KIF5A: variants seen among roughly 807,000 people sequenced by gnomAD.
The protein encoded by KIF5A is kinesin heavy chain isoform 5A.
KIF5A carries 35 observed loss-of-function variants against 141.3 expected under a neutral mutation model. The observed-to-expected ratio is 0.25, with a 90% CI of 0.19 to 0.33. KIF5A has a LOEUF of 0.33. Among genes scored for constraint, KIF5A ranks in the 10% least tolerant of loss-of-function variants. KIF5A has a pLI of 1.00. For synonymous variants in KIF5A, 448 were observed against 500.2 expected (o/e 0.90, Z 1.39); for missense variants, 861 against 1,314.3 (o/e 0.66, Z 5.33).
chr12:57,572,749 C>CT lies in KIF5A; in HGVS notation c.1716+25dup. On this transcript the variant is annotated intron_variant, in intron 15 of 28. Coordinates refer to ENST00000455537, the MANE Select transcript of KIF5A (RefSeq NM_004984.4). The surrounding 1 kb of genome is among the most constrained non-coding windows in gnomAD (Gnocchi z 4.2). ...CTGGTGAGTGGTGAGAGACAGCAGC[C>CT]TTGTTCAGGCTGGGCACTAGTGGAA... The CT allele has an allele frequency of 6.2e-7, 1 of 1,614,096 alleles. No homozygotes were observed. Among genetic ancestry groups the CT allele is most frequent in the Non-Finnish European group, 8.5e-7 (1 of 1,179,956 alleles).
chr12:57,575,616 C>T, intron 16 of KIF5A, 24 bp from the exon 17 acceptor site: 2 of 1,594,378 alleles, frequency 1.3e-6, no homozygotes, highest in Non-Finnish European at 1.7e-6. Flanking sequence ...CATCTTCTTC[C>T]TCTCACCAAC....
In KIF5A at chr12:57,575,238, G is replaced by A. The variant is rs1174310373; in HGVS notation, c.1871G>A (p.Arg624Gln). 1.2e-6 allele frequency: 2 copies of A among 1,613,680 alleles called. No homozygotes were observed. Among genetic ancestry groups the A allele is most frequent in the East Asian group, 2.2e-5 (1 of 44,878 alleles). The change falls in exon 16 of 29, where the codon CGG (arginine) becomes CAG (glutamine). Residue 624 changes from arginine (R) to glutamine (Q), a missense_variant. By Grantham distance (43) the Arg-to-Gln change is conservative. Transcript: ENST00000455537. ...CACCGCAAGATGGAAGTGACCGGGC[G>A]GGAGCTCTCATCCTGCCAGCTCCTC... ...ECHRKMEVTG[R>Q]ELSSCQLLIS...
Position 57,578,003 on chromosome 12 carries a change from T to C in KIF5A, c.2362-6T>C, listed in dbSNP as rs1441112122. ...GCTATTCCCAATTTTTCATCATTCT[T>C]TCCAGGCCCGGGAACTCCAGACCCT... On this transcript the variant is annotated splice_polypyrimidine_tract_variant and splice_region_variant and intron_variant, in intron 21 of 28. Transcript: ENST00000455537. The C allele has an allele frequency of 1.1e-5, 17 of 1,613,500 alleles. No individual in the cohort carries two copies. Among genetic ancestry groups the C allele is most frequent in the Non-Finnish European group, 1.4e-5 (16 of 1,179,372 alleles).
rs994188066 is a variant in KIF5A at position 57,550,494 on chromosome 12, C to T, written c.129+94C>T. The T allele has an allele frequency of 8.0e-5, 104 of 1,301,230 alleles. No individual in the cohort carries two copies. Among genetic ancestry groups the T allele is most frequent in the Non-Finnish European group, 1.1e-4 (101 of 919,968 alleles). The allele number at this position is 1,301,230 out of a possible 1,614,324, so 80.6% of individuals were successfully genotyped here. A position where few individuals can be genotyped will look rare whatever the true frequency, so the allele number is the denominator to read the frequency against. ...CTTAGTCTCTGCTGGTCCCTTTGCTCCCCCTCCCCGCCGCTCATCCTTCAT... is the reference window on the plus strand; with the variant it reads ...CTTAGTCTCTGCTGGTCCCTTTGCTTCCCCTCCCCGCCGCTCATCCTTCAT... On this transcript the variant is annotated intron_variant, in intron 1 of 28. Transcript: ENST00000455537. This position sits in a 1 kb window ranked among gnomAD's most constrained non-coding sequence, Gnocchi z 4.6.
chr12:57,569,717 G>A (rs1260233612), intron 11 of KIF5A, 34 bp downstream of exon 11: 4 of 1,609,938 alleles, frequency 2.5e-6, no homozygotes, highest in African/African-American at 2.7e-5. Flanking sequence ...GAGGGGCAGT[G>A]GGAAGAGGAG....
intron 5 of KIF5A, 112 bp downstream of exon 5, chr12:57,564,620 C>A: frequency 2.1e-6 from 2 of 951,300 alleles, no homozygotes; most frequent in Non-Finnish European, 3.4e-6. Flanking sequence ...GGGCACACAG[C>A]ACCCAAGTCT....
chr12:57,580,234 C>G (rs1029342756), intron 23 of KIF5A, among the ~76,000 whole-genome samples: 31 of 152,174 alleles, frequency 2.0e-4, no homozygotes, highest in African/African-American at 7.0e-4. Context: ...TGTGTGGAAC[C>G]TGTAAAAAGA....
chr12:57,576,844 C>G lies in KIF5A; in HGVS notation c.2282C>G (p.Thr761Ser), dbSNP rs1271325672. 22 of 1,613,424 alleles carry G rather than the reference C, an allele frequency of 1.4e-5. No homozygotes were observed. The highest frequency in any genetic ancestry group is 1.7e-5 in the Non-Finnish European group (20 of 1,179,634). The change falls in exon 20 of 29, where the codon ACC (threonine) becomes AGC (serine). Residue 761 changes from threonine to serine, a missense_variant. Physicochemically the swap from Thr to Ser is moderately conservative, Grantham distance 58 (BLOSUM62 1). Around this residue, in one of 5 missense-constraint regions of KIF5A, gnomAD observed 482 missense variants for 661.3 expected, o/e 0.73. Transcript: ENST00000455537. The stretch of plus-strand genomic sequence containing the variant: ...AAGAGCGAAGAACACGAGAAGAGCA[C>G]CAAGCTGCAGGAGCTGACGTGAGTG... ...KLKSEEHEKS[T>S]KLQELTFLYE...
chr12:57,564,699 A>G (rs1044845256), intron 5 of KIF5A, among the ~76,000 whole-genome samples, 191 bp downstream of exon 5: 1 of 152,224 alleles, frequency 6.6e-6, no homozygotes, highest in Non-Finnish European at 1.5e-5. Flanking sequence ...GCCAAGGACT[A>G]CATATAAACA....
rs1009135018 is a variant in KIF5A at position 57,575,007 on chromosome 12, G to C, written c.1717-77G>C. 3.7e-6 allele frequency: 5 copies of C among 1,353,086 alleles called. No homozygotes were observed. The African/African-American group carries it at 7.2e-5, about 19-fold the overall frequency. 83.8% of individuals were successfully genotyped at this position (1,353,086 alleles called of 1,614,324 possible). A position where few individuals can be genotyped will look rare whatever the true frequency, so the allele number is the denominator to read the frequency against. ...TCCCTGCGTATGTGGGTGTGTATGG[G>C]TAGGTAGAAGGTGGGAGGGAACAGA... On this transcript the variant is annotated intron_variant, in intron 15 of 28. Transcript: ENST00000455537.
In KIF5A at chr12:57,569,491, T is replaced by A. The variant is rs759908173; in HGVS notation, c.969-44T>A. 3.1e-6 allele frequency: 5 copies of A among 1,613,728 alleles called. No individual in the cohort carries two copies. The South Asian group carries it at 3.3e-5, about 11-fold the overall frequency. ...CTCTCTCTCCTCAGGGTCACCCAAG[T>A]CTCATGTTGCTCTCATTTCTTTGTT... On this transcript the variant is annotated intron_variant, in intron 10 of 28. Transcript: ENST00000455537.
chr12:57,572,178 C>T lies in KIF5A; in HGVS notation c.1480C>T (p.Leu494=). The part of the protein sequence containing the change: ...VKEVLQALEE[L]AVNYDQKSQE... ...GGAAGTGCTGCAGGCCCTGGAGGAG[C>T]TGGCTGTGAACTATGACCAGAAGTC... Residue 494 remains leucine, a synonymous_variant, in exon 14 of 29, where the codon CTG becomes TTG. Coordinates refer to ENST00000455537, the MANE Select transcript of KIF5A (RefSeq NM_004984.4). This position sits in a 1 kb window ranked among gnomAD's most constrained non-coding sequence, Gnocchi z 4.2. 3 of 1,613,790 alleles carry T rather than the reference C, an allele frequency of 1.9e-6. No homozygotes were observed. The highest frequency in any genetic ancestry group is 1.7e-6 in the Non-Finnish European group (2 of 1,179,862).
rs1467477860 is a variant in KIF5A at position 57,572,992 on chromosome 12, C to A, written c.1716+266C>A. On this transcript the variant is annotated intron_variant, in intron 15 of 28. Transcript: ENST00000455537. The surrounding 1 kb of genome is among the most constrained non-coding windows in gnomAD (Gnocchi z 4.2). ...ATCACTTGAGGTCAGGAGTTCGAGA[C>A]CTGACCTCGCCAACATGGCGAAACC... Among the ~76,000 whole-genome samples the A allele has an allele frequency of 6.6e-6, 1 of 152,138 alleles. No individual in the cohort carries two copies. Among genetic ancestry groups the A allele is most frequent in the Non-Finnish European group, 1.5e-5 (1 of 68,022 alleles).
chr12:57,575,396 C>A, intron 16 of KIF5A, 124 bp downstream of exon 16: 13 of 1,201,610 alleles, frequency 1.1e-5, no homozygotes, highest in Non-Finnish European at 1.6e-5. Flanking sequence ...AAATCAAGGA[C>A]AGAAAAGCTG....
rs781063689 is a variant in KIF5A at position 57,575,236 on chromosome 12, G to A, written c.1869G>A (p.Gly623=). ...VECHRKMEVT[G]RELSSCQLLI... ...GTCACCGCAAGATGGAAGTGACCGG[G>A]CGGGAGCTCTCATCCTGCCAGCTCC... is the stretch of plus-strand genomic sequence containing the variant. The change falls in exon 16 of 29, where the codon GGG becomes GGA. Residue 623 remains glycine (G), a synonymous_variant. Transcript: ENST00000455537. 6 of 1,613,700 alleles carry A rather than the reference G, an allele frequency of 3.7e-6. No homozygotes were observed. In the African/African-American group the frequency reaches 6.7e-5, roughly 18 times the overall value.
chr12:57,575,512 A>G (rs1048417190), intron 16 of KIF5A, 128 bp from the exon 17 acceptor site: 3 of 929,242 alleles, frequency 3.2e-6, no homozygotes, highest in Non-Finnish European at 5.3e-6. Flanking sequence ...ATGGCCCCCA[A>G]CCCTGCACCC....
At chr12:57,573,233 T>C (rs1882310801) in intron 15 of KIF5A, among the ~76,000 whole-genome samples, 1 of 151,726 alleles carries the variant, frequency 6.6e-6, no homozygotes, top group East Asian at 2.0e-4. Context: ...GGGTGCTGAA[T>C]AAAGAAGCAA....
intron 15 of KIF5A, among the ~76,000 whole-genome samples, chr12:57,574,055 C>T (rs12226998): frequency 6.9e-6 from 1 of 144,676 alleles, no homozygotes; most frequent in East Asian, 2.1e-4. Context: ...GCACTCCAGC[C>T]TGGGTGACAG....
intron 1 of KIF5A, among the ~76,000 whole-genome samples, chr12:57,552,456 C>T (rs1012310575): frequency 2.5e-4 from 38 of 152,184 alleles, no homozygotes; most frequent in African/African-American, 8.4e-4. Context: ...ATCTGTAGGG[C>T]TGTACCTTTG....
Sources: allele counts gnomAD v4.1 joint callset (sites outside exome capture counted in the v4.1 genomes callset), GRCh38; gene constraint gnomAD v4.1.1; regional missense constraint gnomAD v4.1.1; non-coding constraint Gnocchi (gnomAD v3.1); transcripts MANE v1.5; gene names NCBI Gene and HGNC (gene_info 2026-07-23, HGNC 2026-07-21).